The following MRTFA variants were observed in gnomAD, a reference collection of about 807,000 sequenced individuals.
MRTFA encodes myocardin related transcription factor A.
MRTFA carries 20 observed loss-of-function variants against 83.5 expected under a neutral mutation model. The observed-to-expected ratio is 0.24, with a 90% CI of 0.17 to 0.35. The LOEUF (loss-of-function observed/expected upper bound fraction) is 0.35. Among genes scored for constraint, MRTFA ranks in the 10% least tolerant of loss-of-function variants. MRTFA has a pLI of 1.00. For synonymous variants in MRTFA, 659 were observed against 541.2 expected, an observed-to-expected ratio of 1.22 and a Z score of -3.02; for missense variants, 1,200 against 1,224.7, an observed-to-expected ratio of 0.98 and a Z score of 0.30.
intron 14 of MRTFA, chr22:40,412,370 G>A (rs1328469650): frequency 1.3e-5 from 2 of 152,434 alleles, no homozygotes; most frequent in Non-Finnish European, 2.9e-5. Context: ...TGTGCCCTGT[G>A]GTAGAAATGC....
At chr22:40,524,234 T>C (rs912953277) in intron 3 of MRTFA, among the ~76,000 whole-genome samples, 2 of 152,132 alleles carry the variant, frequency 1.3e-5, no homozygotes, top group Non-Finnish European at 2.9e-5. Flanking sequence ...AGGTCCAGCC[T>C]GCAATGAGCT....
chr22:40,535,954 A>C (rs1218275660), intron 3 of MRTFA, among the ~76,000 whole-genome samples: 2 of 152,172 alleles, frequency 1.3e-5, no homozygotes, highest in African/African-American at 2.4e-5. Flanking sequence ...CACACCCACT[A>C]TCTCACTGGC....
At chr22:40,435,394 G>C (rs2053148728) in intron 5 of MRTFA, 105 bp downstream of exon 5, 52 of 1,247,106 alleles carry the variant, frequency 4.2e-5, no homozygotes, top group Non-Finnish European at 6.1e-5. Flanking sequence ...AGCAGGCTCT[G>C]GCCTCAGAGT....
chr22:40,559,344 T>C (rs1156798380), intron 2 of MRTFA, among the ~76,000 whole-genome samples: 1 of 152,094 alleles, frequency 6.6e-6, no homozygotes, highest in Non-Finnish European at 1.5e-5. Flanking sequence ...GCTGTGATCA[T>C]GCCACTGCAC....
At chr22:40,507,783 C>T (rs997306419) in intron 3 of MRTFA, among the ~76,000 whole-genome samples, 8 of 151,122 alleles carry the variant, frequency 5.3e-5, no homozygotes, top group African/African-American at 1.7e-4. Flanking sequence ...ACCAACATGG[C>T]GAAACCCCGT....
chr22:40,580,211 T>C (rs1396999160), intron 2 of MRTFA, among the ~76,000 whole-genome samples: 3 of 152,176 alleles, frequency 2.0e-5, no homozygotes, highest in Non-Finnish European at 4.4e-5. Context: ...TCACTTTTCC[T>C]TTTTTGAGAC....
At chr22:40,510,134 GAT>G (rs1390969191) in intron 3 of MRTFA, among the ~76,000 whole-genome samples, 8 of 152,254 alleles carry the variant, frequency 5.3e-5, no homozygotes, top group African/African-American at 1.9e-4. Flanking sequence ...AGATTCTCTA[GAT>G]AGTCTCTGGA....
chr22:40,546,640 C>G (rs1361363850), intron 3 of MRTFA, among the ~76,000 whole-genome samples: 1 of 152,180 alleles, frequency 6.6e-6, no homozygotes, highest in African/African-American at 2.4e-5. Context: ...AAAGCAATGA[C>G]TGTAAACTAT....
At chr22:40,483,662 G>T (rs2054128840) in intron 3 of MRTFA, among the ~76,000 whole-genome samples, 1 of 151,552 alleles carries the variant, frequency 6.6e-6, no homozygotes, top group South Asian at 2.1e-4. Context: ...TCCAGCCTGG[G>T]TGACAGAGTG....
At chr22:40,423,347 A>G (rs922804789) in intron 9 of MRTFA, among the ~76,000 whole-genome samples, 189 bp downstream of exon 9, 4 of 152,140 alleles carry the variant, frequency 2.6e-5, no homozygotes, top group African/African-American at 9.7e-5. Flanking sequence ...AGCCACGAAT[A>G]ATTGGTGGCT....
chr22:40,565,907 T>C (rs886569008), intron 2 of MRTFA, among the ~76,000 whole-genome samples: 35 of 152,190 alleles, frequency 2.3e-4, no homozygotes, highest in African/African-American at 7.5e-4. Context: ...CACTAAGACG[T>C]ATATTTACCT....
At chr22:40,474,183 C>T (rs1431228866) in intron 3 of MRTFA, among the ~76,000 whole-genome samples, 3 of 152,142 alleles carry the variant, frequency 2.0e-5, no homozygotes, top group African/African-American at 7.2e-5. Flanking sequence ...GTACTAGATA[C>T]ACCTATGATC....
intron 2 of MRTFA, among the ~76,000 whole-genome samples, chr22:40,591,624 C>T (rs2056123031): frequency 6.6e-6 from 1 of 152,176 alleles, no homozygotes; most frequent in Admixed American, 6.5e-5. Flanking sequence ...AATGGTTGCA[C>T]ATCTCCACAA....
At chr22:40,491,784 G>C (rs549787207) in intron 3 of MRTFA, among the ~76,000 whole-genome samples, 11 of 152,258 alleles carry the variant, frequency 7.2e-5, no homozygotes, top group Admixed American at 2.0e-4. Context: ...TGTTCCACCA[G>C]GTCATGAAAT....
At chr22:40,623,510 A>G (rs1278852518) in intron 1 of MRTFA, among the ~76,000 whole-genome samples, 1 of 144,802 alleles carries the variant, frequency 6.9e-6, no homozygotes, top group Non-Finnish European at 1.5e-5. Flanking sequence ...CCAAGGGAGG[A>G]CAGAATCAGG....
At chr22:40,455,122 G>A (rs1175757475) in intron 4 of MRTFA, among the ~76,000 whole-genome samples, 1 of 152,064 alleles carries the variant, frequency 6.6e-6, no homozygotes, top group African/African-American at 2.4e-5. Flanking sequence ...TTCTAATACA[G>A]TAGCAACTAG....
chr22:40,539,901 TTATC>T (rs971119680), intron 3 of MRTFA, among the ~76,000 whole-genome samples: 17 of 149,980 alleles, frequency 1.1e-4, no homozygotes, highest in South Asian at 4.2e-4. Flanking sequence ...ATTTTCACGG[TTATC>T]TTTTTTTTTT....
intron 1 of MRTFA, among the ~76,000 whole-genome samples, chr22:40,599,828 G>A (rs1204324080): frequency 3.3e-5 from 5 of 151,908 alleles, no homozygotes; most frequent in Admixed American, 2.0e-4. Flanking sequence ...GACCCCGGGA[G>A]GTTGAGGCCG....
intron 3 of MRTFA, among the ~76,000 whole-genome samples, chr22:40,507,824 A>G (rs2054603628): frequency 6.6e-6 from 1 of 151,528 alleles, no homozygotes; most frequent in African/African-American, 2.4e-5. Flanking sequence ...TTATCCAGGC[A>G]TGGTGACACA....
Sources: allele counts gnomAD v4.1 joint callset (sites outside exome capture counted in the v4.1 genomes callset), GRCh38; gene constraint gnomAD v4.1.1; transcripts MANE v1.5; gene names NCBI Gene and HGNC (gene_info 2026-07-23, HGNC 2026-07-21).